The following STK32B variants were observed in gnomAD, a reference collection of about 807,000 sequenced individuals.
The protein encoded by STK32B is serine/threonine kinase 32B, also known as serine/threonine-protein kinase 32B.
STK32B carries 43 observed loss-of-function variants against 52.6 expected under a neutral mutation model. That is an observed-to-expected ratio of 0.82 (90% CI 0.64 to 1.05). The LOEUF is 1.05. STK32B is among the 50% of genes least tolerant of loss of function. The probability of loss-of-function intolerance (pLI) is 0.00; values close to 1 mark genes in which losing one functional copy is unlikely to be tolerated. For missense variants in STK32B, 621 were observed against 534.6 expected, an observed-to-expected ratio of 1.16 and a Z score of -1.59; for synonymous variants, 238 against 204.3, an observed-to-expected ratio of 1.17 and a Z score of -1.41.
intron 3 of STK32B, among the ~76,000 whole-genome samples, chr4:5,299,181 G>A (rs575339223): frequency 7.2e-5 from 11 of 151,934 alleles, no homozygotes; most frequent in Admixed American, 1.3e-4. Flanking sequence ...TGGAAATGCA[G>A]AAATTACCCA....
At chr4:5,320,429 T>C (rs1357960565) in intron 3 of STK32B, among the ~76,000 whole-genome samples, 1 of 152,226 alleles carries the variant, frequency 6.6e-6, no homozygotes, top group Non-Finnish European at 1.5e-5. Context: ...ATGGTAAGCA[T>C]TGGCAATTTC....
At chr4:5,184,491 C>T (rs930914297) in intron 3 of STK32B, among the ~76,000 whole-genome samples, 6 of 151,816 alleles carry the variant, frequency 4.0e-5, no homozygotes, top group Admixed American at 3.3e-4. Context: ...AGTTCCAAAC[C>T]AGTCTGGCCA....
At chr4:5,415,424 G>A (rs1035419269) in intron 5 of STK32B, among the ~76,000 whole-genome samples, 8 of 152,172 alleles carry the variant, frequency 5.3e-5, no homozygotes, top group African/African-American at 1.4e-4. Context: ...CAGAGTGTGT[G>A]CACCCAACTA....
chr4:5,290,725 A>T (rs10012723), intron 3 of STK32B, among the ~76,000 whole-genome samples: 1,741 of 151,434 alleles, frequency 0.011, 30 homozygotes, highest in South Asian at 0.058. Flanking sequence ...ATTTACACTG[A>T]AAACTATAAA....
Position 5,422,668 on chromosome 4 carries a change from G to T in STK32B, c.562+5734G>T, listed in dbSNP as rs184138047. ...TTACTGAGTGTTTAGGAGGTACAGGGCTTAGTTAGGCACTGGGGCTGCAGA... is the reference window on the plus strand; with the variant it reads ...TTACTGAGTGTTTAGGAGGTACAGGTCTTAGTTAGGCACTGGGGCTGCAGA... On this transcript the variant is annotated intron_variant, in intron 6 of 11. Coordinates refer to ENST00000282908, the MANE Select transcript of STK32B (RefSeq NM_018401.3). 2.0e-3 allele frequency among the ~76,000 whole-genome samples: 309 copies of T among 152,272 alleles called. 3 individuals are homozygous for T. The highest frequency in any genetic ancestry group is 7.2e-3 in the African/African-American group (300 of 41,578).
At chr4:5,426,477 G>A (rs1221715532) in intron 6 of STK32B, among the ~76,000 whole-genome samples, 1 of 152,026 alleles carries the variant, frequency 6.6e-6, no homozygotes, top group African/African-American at 2.4e-5. Flanking sequence ...GGCTGAGTCA[G>A]GTAGGTCACT....
Position 5,141,896 on chromosome 4 carries a change from A to G in STK32B, c.108+1936A>G, listed in dbSNP as rs6845490. Among the ~76,000 whole-genome samples the G allele has an allele frequency of 4.0e-3, 607 of 152,190 alleles. 6 individuals are homozygous for G. Among genetic ancestry groups the G allele is most frequent in the African/African-American group, 0.013 (557 of 41,522 alleles). ...GTTTAGAGGTTGCCGAGTTCTGTGT[A>G]TCACATCTTCACACAACTGCTCCTC... On this transcript the variant is annotated intron_variant, in intron 2 of 11. Transcript: ENST00000282908.
chr4:5,444,444 C>G (rs1560417738), intron 6 of STK32B, among the ~76,000 whole-genome samples: 1 of 152,224 alleles, frequency 6.6e-6, no homozygotes, highest in Admixed American at 6.5e-5. Context: ...GAGGCAATGC[C>G]TCGCCCTGCT....
intron 1 of STK32B, among the ~76,000 whole-genome samples, chr4:5,127,963 T>G (rs1261465147): frequency 6.6e-6 from 1 of 152,164 alleles, no homozygotes; most frequent in African/African-American, 2.4e-5. Context: ...AAGATGTGAC[T>G]TTGCTCCTCA....
chr4:5,186,507 C>A (rs1018584453), intron 3 of STK32B, among the ~76,000 whole-genome samples: 1 of 152,154 alleles, frequency 6.6e-6, no homozygotes, highest in South Asian at 2.1e-4. Flanking sequence ...AACCAGCAGT[C>A]GCTTATCTCG....
chr4:5,255,261 T>A (rs762171257), intron 3 of STK32B, among the ~76,000 whole-genome samples: 2 of 152,178 alleles, frequency 1.3e-5, no homozygotes, highest in Non-Finnish European at 2.9e-5. Flanking sequence ...GCAGTTCTCT[T>A]ACCTATGTAT....
At chr4:5,367,029 A>G (rs1246396269) in intron 4 of STK32B, among the ~76,000 whole-genome samples, 5 of 152,176 alleles carry the variant, frequency 3.3e-5, no homozygotes, top group African/African-American at 1.2e-4. Context: ...TTAAACTCAC[A>G]TCTGCCAACT....
intron 1 of STK32B, among the ~76,000 whole-genome samples, chr4:5,055,723 T>TGGCACCTGCCCCTCTTGCCCGAG (rs1390727789): frequency 1.3e-5 from 2 of 152,246 alleles, no homozygotes; most frequent in East Asian, 3.9e-4. Flanking sequence ...ACCATAGCCC[T>TGGCACCTGCCCCTCTTGCCCGAG]GGCACCTGCC....
chr4:5,344,272 C>CT (rs2108975058), intron 4 of STK32B, among the ~76,000 whole-genome samples: 1 of 152,290 alleles, frequency 6.6e-6, no homozygotes, highest in East Asian at 1.9e-4. Context: ...CATTTTCAGG[C>CT]TTTTTTGATT....
At chr4:5,127,456 A>T (rs1715475043) in intron 1 of STK32B, among the ~76,000 whole-genome samples, 1 of 152,160 alleles carries the variant, frequency 6.6e-6, no homozygotes. Flanking sequence ...ATTCAGTTAC[A>T]TCCAGTCATC....
At chr4:5,420,428 C>T (rs534619039) in intron 6 of STK32B, among the ~76,000 whole-genome samples, 64 of 152,176 alleles carry the variant, frequency 4.2e-4, no homozygotes, top group African/African-American at 1.3e-3. Flanking sequence ...ATCAACTGGG[C>T]GAGATTCAGC....
At chr4:5,307,930 G>T (rs1414606489) in intron 3 of STK32B, among the ~76,000 whole-genome samples, 2 of 150,832 alleles carry the variant, frequency 1.3e-5, no homozygotes, top group Non-Finnish European at 2.9e-5. Context: ...GAACCACCAG[G>T]CTCTGGGCTG....
chr4:5,108,631 A>G (rs1263075262), intron 1 of STK32B, among the ~76,000 whole-genome samples: 4 of 152,242 alleles, frequency 2.6e-5, no homozygotes, highest in Non-Finnish European at 5.9e-5. Flanking sequence ...TTTAGATTCA[A>G]CTTCCAGGTA....
intron 5 of STK32B, among the ~76,000 whole-genome samples, chr4:5,406,664 G>C (rs1162546505): frequency 6.6e-6 from 1 of 152,182 alleles, no homozygotes; most frequent in African/African-American, 2.4e-5. Context: ...CTTTGGAGCA[G>C]TGGCCTGAGA....
Sources: gnomAD v4.1 joint callset for allele counts (sites outside exome capture counted in the v4.1 genomes callset) on GRCh38, gnomAD v4.1.1 for gene constraint, MANE v1.5 for transcripts, NCBI Gene and HGNC (gene_info 2026-07-23, HGNC 2026-07-21) for gene names.